Variants in CHD2 observed in about 807,000 individuals in gnomAD.
CHD2 encodes the protein chromodomain helicase DNA binding protein 2.
In CHD2, 28 loss-of-function variants were observed where a neutral mutation model predicts 243.9. The observed-to-expected ratio is 0.11, with a 90% confidence interval of 0.09 to 0.16. CHD2 has a LOEUF of 0.16. Among genes scored for constraint, CHD2 ranks in the 10% least tolerant of loss-of-function variants. The pLI is 1.00. For missense variants in CHD2, 1,386 were observed against 2,209.8 expected (o/e 0.63, Z 7.47); for synonymous variants, 775 against 779.0 (o/e 0.99, Z 0.09).
chr15:93,003,382 C>T (rs1433119448), intron 33 of CHD2, among the ~76,000 whole-genome samples: 1 of 151,620 alleles, frequency 6.6e-6, no homozygotes, highest in African/African-American at 2.4e-5. Flanking sequence ...TTTTGAAATA[C>T]TTTCTAATTT....
At chr15:92,918,740 CG>C (rs2052890514) in intron 2 of CHD2, among the ~76,000 whole-genome samples, 2 of 149,206 alleles carry the variant, frequency 1.3e-5, no homozygotes, top group Non-Finnish European at 2.9e-5. Context: ...TAGGAAATGT[CG>C]TTTTTTTAAG....
chr15:92,916,832 A>C (rs893164722), intron 2 of CHD2, among the ~76,000 whole-genome samples: 9 of 152,240 alleles, frequency 5.9e-5, no homozygotes, highest in African/African-American at 2.2e-4. Flanking sequence ...GATTACAGGC[A>C]TGAGCTACTG....
rs1374250610 is a variant in CHD2, at chr15:92,972,767, C to T, written c.2505+350C>T. On this transcript the variant is annotated intron_variant, in intron 19 of 38. Coordinates refer to ENST00000394196, the MANE Select transcript of CHD2 (RefSeq NM_001271.4). ...TTGGGAGGCTGAGGCAGGAGAATGGCGTGAACCCGGGAGGCGGAGCTTGCA... is the reference window on the plus strand; with the variant it reads ...TTGGGAGGCTGAGGCAGGAGAATGGTGTGAACCCGGGAGGCGGAGCTTGCA... 3.2e-4 allele frequency among the ~76,000 whole-genome samples: 6 copies of T among 18,542 alleles called. 2 individuals carry two copies. Among genetic ancestry groups the T allele is most frequent in the Non-Finnish European group, 1.1e-3 (6 of 5,614 alleles). 12.2% of individuals were successfully genotyped at this position (18,542 alleles called of 152,430 possible).
At chr15:92,936,347 A>G (rs532386407) in intron 5 of CHD2, among the ~76,000 whole-genome samples, 2 of 152,308 alleles carry the variant, frequency 1.3e-5, no homozygotes, top group South Asian at 4.2e-4. Flanking sequence ...CCCATAGGCA[A>G]ATTGGTAATT....
At chr15:92,948,889 G>T (rs908672802) in intron 12 of CHD2, 63 bp from the exon 13 acceptor site, 9 of 1,519,876 alleles carry the variant, frequency 5.9e-6, no homozygotes, top group Non-Finnish European at 8.0e-6. Flanking sequence ...TGTGAATTGT[G>T]GCTAGCGTTT....
At chr15:92,976,661 A>G (rs1215834601) in intron 20 of CHD2, among the ~76,000 whole-genome samples, 1 of 151,918 alleles carries the variant, frequency 6.6e-6, no homozygotes, top group Non-Finnish European at 1.5e-5. Flanking sequence ...ACCAAAAAAA[A>G]AAAAAAAAGT....
In CHD2 at chr15:92,937,553, A is replaced by G. The variant is rs1319399205; in HGVS notation, c.479A>G (p.Gln160Arg). The change falls in exon 6 of 39, where the codon CAG becomes CGG. Residue 160 changes from glutamine to arginine, a missense_variant. Gln to Arg is a conservative substitution (Grantham distance 43, BLOSUM62 1). Around this residue, in one of 19 missense-constraint regions of CHD2, gnomAD observed 90 missense variants for 78.0 expected, o/e 1.15. Transcript: ENST00000394196. ...AAACAGGAACCCTCAGAAGATGAACAGGAACAAGGCACCAGTGCAGAGAGT... is the reference window on the plus strand; with the variant it reads ...AAACAGGAACCCTCAGAAGATGAACGGGAACAAGGCACCAGTGCAGAGAGT... ...KWKQEPSEDE[Q>R]EQGTSAESEP... 1.2e-6 allele frequency: 2 copies of G among 1,613,230 alleles called. No homozygotes were observed. Among genetic ancestry groups the G allele is most frequent in the Non-Finnish European group, 8.5e-7 (1 of 1,179,698 alleles).
At chr15:92,969,155 T>C (rs1470682745) in intron 17 of CHD2, among the ~76,000 whole-genome samples, 1 of 152,224 alleles carries the variant, frequency 6.6e-6, no homozygotes, top group Non-Finnish European at 1.5e-5. Context: ...TGGGTGTTGA[T>C]TGATCATATG....
At chr15:93,019,714 A>C (rs1256270177) in intron 37 of CHD2, among the ~76,000 whole-genome samples, 2 of 152,130 alleles carry the variant, frequency 1.3e-5, no homozygotes, top group Non-Finnish European at 2.9e-5. Flanking sequence ...CGGGCGGATC[A>C]CCTGAGGTCA....
intron 6 of CHD2, 25 bp from the exon 7 acceptor site, chr15:92,939,553 C>T: frequency 6.2e-7 from 1 of 1,605,668 alleles, no homozygotes; most frequent in African/African-American, 1.3e-5. Context: ...GAAGACTTAG[C>T]CTTTTGTTTC....
chr15:92,908,660 G>T (rs1174137639), intron 2 of CHD2, among the ~76,000 whole-genome samples: 1 of 152,150 alleles, frequency 6.6e-6, no homozygotes, highest in African/African-American at 2.4e-5. Flanking sequence ...TCTTTCCATT[G>T]CCTGTCCCAT....
chr15:93,027,303 T>C lies in CHD2; in HGVS notation c.*2598T>C, dbSNP rs2054594054. 6.6e-6 allele frequency: 1 copy of C among 152,242 alleles called. No individual in the cohort carries two copies. The highest frequency in any genetic ancestry group is 2.1e-4 in the South Asian group (1 of 4,828). 9.4% of individuals were successfully genotyped at this position (152,242 alleles called of 1,614,324 possible). A position where few individuals can be genotyped will look rare whatever the true frequency, so the allele number is the denominator to read the frequency against. ...GGAGTCTGGCTTTGAAAGATTTCAT[T>C]GTTGGTAGAAATAACAGGTTGAGAA... On this transcript the variant is annotated 3_prime_UTR_variant, in exon 39 of 39. Coordinates refer to ENST00000394196, the MANE Select transcript of CHD2 (RefSeq NM_001271.4).
chr15:92,998,562 T>C lies in CHD2; in HGVS notation c.3949T>C (p.Leu1317=), dbSNP rs1064797203. The change falls in exon 31 of 39, where the codon TTG becomes CTG. Residue 1317 remains leucine, a synonymous_variant. Transcript: ENST00000394196. The surrounding 1 kb of genome is among the most constrained non-coding windows in gnomAD (Gnocchi z 5.1). ...GCAGCTACAGACCCGAGCGGATTACTTGTTGAAGCTGCTCAGAAAGGGTCT... is the reference window on the plus strand; with the variant it reads ...GCAGCTACAGACCCGAGCGGATTACCTGTTGAAGCTGCTCAGAAAGGGTCT... The part of the protein sequence containing the change: ...GKQLQTRADY[L]LKLLRKGLEK... The C allele has an allele frequency of 6.2e-7, 1 of 1,613,760 alleles. No individual in the cohort carries two copies. Among genetic ancestry groups the C allele is most frequent in the South Asian group, 1.1e-5 (1 of 91,050 alleles).
chr15:92,990,776 C>T (rs997416006), intron 26 of CHD2, among the ~76,000 whole-genome samples: 7 of 152,066 alleles, frequency 4.6e-5, no homozygotes, highest in Non-Finnish European at 1.0e-4. Flanking sequence ...ACATGATGCC[C>T]TTAATGTGTC....
At chr15:93,010,317 G>A (rs559142146) in intron 35 of CHD2, among the ~76,000 whole-genome samples, 1 of 144,498 alleles carries the variant, frequency 6.9e-6, no homozygotes, top group Non-Finnish European at 1.6e-5. Context: ...TTCATATAAT[G>A]ACTTCTTTTC....
intron 26 of CHD2, among the ~76,000 whole-genome samples, chr15:92,990,270 C>G (rs951978542): frequency 6.6e-6 from 1 of 152,168 alleles, no homozygotes; most frequent in African/African-American, 2.4e-5. Flanking sequence ...ATTGTAGTTG[C>G]AGAAGTGTTA....
intron 20 of CHD2, among the ~76,000 whole-genome samples, chr15:92,975,397 A>G (rs1247467574): frequency 6.6e-6 from 1 of 152,234 alleles, no homozygotes; most frequent in Admixed American, 6.5e-5. Context: ...ACATTTTACA[A>G]TCAGTGTCGA....
intron 16 of CHD2, among the ~76,000 whole-genome samples, chr15:92,961,443 C>T (rs1263450102): frequency 1.3e-5 from 2 of 152,146 alleles, no homozygotes; most frequent in African/African-American, 2.4e-5. Flanking sequence ...CTCTGTCACC[C>T]ACGCTGAGTG....
intron 37 of CHD2, among the ~76,000 whole-genome samples, chr15:93,017,019 AT>A (rs1004799780): frequency 1.3e-5 from 2 of 152,176 alleles, no homozygotes; most frequent in Admixed American, 6.5e-5. Flanking sequence ...AGGTTAATCA[AT>A]TTTTTTACCC....
Sources: allele counts gnomAD v4.1 joint callset (sites outside exome capture counted in the v4.1 genomes callset), GRCh38; gene constraint gnomAD v4.1.1; regional missense constraint gnomAD v4.1.1; non-coding constraint Gnocchi (gnomAD v3.1); transcripts MANE v1.5; gene names NCBI Gene and HGNC (gene_info 2026-07-23, HGNC 2026-07-21).